ZRANB3: variants seen among roughly 807,000 people sequenced by gnomAD.
ZRANB3 encodes DNA annealing helicase and endonuclease ZRANB3.
ZRANB3 carries 125 observed loss-of-function variants against 133.8 expected under a neutral mutation model. That is an observed-to-expected ratio of 0.93 (90% CI 0.81 to 1.08). The LOEUF is 1.08. Ranked by LOEUF, ZRANB3 falls within the 50% of genes least tolerant of loss-of-function variation. The probability of loss-of-function intolerance (pLI) is 0.00; values close to 1 mark genes in which losing one functional copy is unlikely to be tolerated. For synonymous variants in ZRANB3, 387 were observed against 432.7 expected, an observed-to-expected ratio of 0.89 and a Z score of 1.31; for missense variants, 1,229 against 1,275.5, an observed-to-expected ratio of 0.96 and a Z score of 0.56.
At chr2:135,209,012 A>G in intron 17 of ZRANB3, 34 bp from the exon 18 acceptor site, 1 of 1,587,510 alleles carries the variant, frequency 6.3e-7, no homozygotes, top group Non-Finnish European at 8.6e-7. Context: ...GATTCCCTCT[A>G]TCTCATATAA....
At chr2:135,352,966 A>G (rs1271170159) in intron 4 of ZRANB3, among the ~76,000 whole-genome samples, 1 of 152,266 alleles carries the variant, frequency 6.6e-6, no homozygotes, top group East Asian at 1.9e-4. Context: ...CACAAAGCAA[A>G]TATTTTCAAG....
intron 2 of ZRANB3, among the ~76,000 whole-genome samples, chr2:135,402,674 C>T (rs1437637580): frequency 1.3e-5 from 2 of 151,876 alleles, no homozygotes; most frequent in Non-Finnish European, 2.9e-5. Flanking sequence ...GCAACCTCCA[C>T]CTCCTGGGTT....
At chr2:135,507,049 A>G (rs1251296237) in intron 1 of ZRANB3, among the ~76,000 whole-genome samples, 2 of 152,350 alleles carry the variant, frequency 1.3e-5, no homozygotes, top group East Asian at 3.9e-4. Context: ...TCAGGTTGCA[A>G]CAGACAAGGC....
At chr2:135,332,721 C>G (rs964790753) in intron 6 of ZRANB3, among the ~76,000 whole-genome samples, 1 of 152,142 alleles carries the variant, frequency 6.6e-6, no homozygotes, top group African/African-American at 2.4e-5. Context: ...TCTCTACTTA[C>G]CCCATCCTTC....
chr2:135,420,096 T>TATATATATAG (rs1688770751), intron 2 of ZRANB3, among the ~76,000 whole-genome samples: 1 of 82,520 alleles, frequency 1.2e-5, no homozygotes, highest in African/African-American at 1.2e-4. Flanking sequence ...TAGATTTATA[T>TATATATATAG]ATATATATAT....
chr2:135,278,603 G>C lies in ZRANB3; in HGVS notation c.967-2848C>G, dbSNP rs555582020. Among the ~76,000 whole-genome samples, 8 of 152,230 alleles carry C rather than the reference G, an allele frequency of 5.3e-5. No homozygotes were observed. The South Asian group carries it at 1.0e-3, about 20-fold the overall frequency. ...AGGTGAAATTTCTTTAAGAAGATGA[G>C]ATTAATACAATGCTTAATGTTTAAA... is the stretch of plus-strand genomic sequence containing the variant. On this transcript the variant is annotated intron_variant, in intron 8 of 20. Transcript: ENST00000264159.
At chr2:135,235,325 C>A (rs1695236981) in intron 12 of ZRANB3, among the ~76,000 whole-genome samples, 1 of 152,120 alleles carries the variant, frequency 6.6e-6, no homozygotes, top group South Asian at 2.1e-4. Context: ...AGTCCAGGAC[C>A]AGATGGATTC....
chr2:135,317,120 A>G (rs1683302567), intron 6 of ZRANB3, among the ~76,000 whole-genome samples: 1 of 151,902 alleles, frequency 6.6e-6, no homozygotes, highest in African/African-American at 2.4e-5. Context: ...TAAAAAATCT[A>G]AGTGCTGTCA....
intron 12 of ZRANB3, among the ~76,000 whole-genome samples, chr2:135,234,559 T>G (rs1318381617): frequency 1.3e-5 from 2 of 152,122 alleles, no homozygotes; most frequent in Non-Finnish European, 2.9e-5. Flanking sequence ...CCTCAGCAAA[T>G]GTAAAAGAAC....
At chr2:135,472,606 CA>C (rs1691320336) in intron 2 of ZRANB3, among the ~76,000 whole-genome samples, 1 of 151,588 alleles carries the variant, frequency 6.6e-6, no homozygotes, top group African/African-American at 2.4e-5. Flanking sequence ...TGCATTATGA[CA>C]TGTCAGAATC....
intron 2 of ZRANB3, among the ~76,000 whole-genome samples, chr2:135,400,879 G>A (rs887233032): frequency 1.3e-5 from 2 of 152,072 alleles, no homozygotes; most frequent in African/African-American, 2.4e-5. Context: ...TTTGGCCTAC[G>A]GACAGTAATT....
intron 1 of ZRANB3, among the ~76,000 whole-genome samples, chr2:135,513,301 T>C (rs1693551349): frequency 6.6e-6 from 1 of 152,180 alleles, no homozygotes; most frequent in African/African-American, 2.4e-5. Context: ...TACTTCCTGG[T>C]TGTAAAATTT....
intron 8 of ZRANB3, among the ~76,000 whole-genome samples, chr2:135,289,084 G>C (rs1301797188): frequency 4.0e-5 from 6 of 151,778 alleles, no homozygotes; most frequent in African/African-American, 1.5e-4. Context: ...TTTCCTCTTA[G>C]CACTGTTTTT....
At chr2:135,504,209 C>T (rs2104822382) in intron 2 of ZRANB3, 120 bp downstream of exon 2, 1 of 1,196,624 alleles carries the variant, frequency 8.4e-7, no homozygotes, top group Non-Finnish European at 1.2e-6. Context: ...CTAACTTGGT[C>T]ACAATCAATT....
At chr2:135,364,830 C>T (rs1251490186) in intron 3 of ZRANB3, among the ~76,000 whole-genome samples, 2 of 152,020 alleles carry the variant, frequency 1.3e-5, no homozygotes, top group East Asian at 3.9e-4. Context: ...GCGGGCAGAT[C>T]ACGAGGTCAG....
At chr2:135,215,042 C>T (rs1444193973) in intron 17 of ZRANB3, among the ~76,000 whole-genome samples, 6 of 151,264 alleles carry the variant, frequency 4.0e-5, no homozygotes, top group Admixed American at 6.6e-5. Context: ...CTCAGCCTCC[C>T]GAATATTTGG....
intron 1 of ZRANB3, among the ~76,000 whole-genome samples, 191 bp downstream of exon 1, chr2:135,530,936 G>C (rs1243290667): frequency 6.6e-6 from 1 of 152,176 alleles, no homozygotes; most frequent in African/African-American, 2.4e-5. Context: ...GCCGAAAAGA[G>C]CAATCACCCC....
At chr2:135,526,009 GA>G (rs1694144457) in intron 1 of ZRANB3, among the ~76,000 whole-genome samples, 2 of 152,130 alleles carry the variant, frequency 1.3e-5, no homozygotes, top group Non-Finnish European at 2.9e-5. Flanking sequence ...TTCAGAAACA[GA>G]AAGTGGAATG....
chr2:135,235,570 A>G (rs1695248252), intron 12 of ZRANB3, among the ~76,000 whole-genome samples: 1 of 151,938 alleles, frequency 6.6e-6, no homozygotes, highest in Non-Finnish European at 1.5e-5. Context: ...CCAGCAGCAC[A>G]TCAAAAAGCT....
Sources: gnomAD v4.1 joint callset for allele counts (sites outside exome capture counted in the v4.1 genomes callset) on GRCh38, gnomAD v4.1.1 for gene constraint, MANE v1.5 for transcripts, NCBI Gene and HGNC (gene_info 2026-07-23, HGNC 2026-07-21) for gene names.